The following PCBP2 variants were observed in gnomAD, a reference collection of about 807,000 sequenced individuals.
The protein encoded by PCBP2 is poly(rC)-binding protein 2.
Under a neutral mutation model 50.1 loss-of-function variants are expected in PCBP2, and 4 were observed. The observed-to-expected ratio is 0.08, with a 90% CI of 0.04 to 0.18. PCBP2 has a LOEUF of 0.18. Ranked by LOEUF, PCBP2 falls within the 10% of genes least tolerant of loss-of-function variation. The pLI is 1.00. For missense variants in PCBP2, 161 were observed against 474.3 expected (o/e 0.34, Z 6.14); for synonymous variants, 179 against 168.0 (o/e 1.07, Z -0.51).
chr12:53,475,975 A>T (rs1363027606), intron 14 of PCBP2: 1 of 152,244 alleles, frequency 6.6e-6, no homozygotes, highest in Non-Finnish European at 1.5e-5. Flanking sequence ...CAAGTCATAC[A>T]TTCAAAGAAC....
At chr12:53,463,460 G>GT in intron 8 of PCBP2, among the ~76,000 whole-genome samples, 1 of 152,272 alleles carries the variant, frequency 6.6e-6, no homozygotes, top group Non-Finnish European at 1.5e-5. Flanking sequence ...TACTGAACAT[G>GT]TACAGGCTTT....
chr12:53,465,059 ATTTTT>A (rs952108319), intron 9 of PCBP2: 4 of 385,704 alleles, frequency 1.0e-5, no homozygotes, highest in Non-Finnish European at 1.7e-5. Context: ...TTTTTTTTTA[ATTTTT>A]TTTTTGTTCA....
In PCBP2 at chr12:53,479,597, A is replaced by G. The variant is rs1942915327; in HGVS notation, c.*155A>G. ...ATCATCCACTCGTGATTTTTTAATT[A>G]AAGCGTTTTAATTCCTTTCTCTGTT... On this transcript the variant is annotated 3_prime_UTR_variant, in exon 15 of 15. Coordinates refer to ENST00000546463, the MANE Select transcript of PCBP2 (RefSeq NM_031989.5). 2 of 514,526 alleles carry G rather than the reference A, an allele frequency of 3.9e-6. No homozygotes were observed. The highest frequency in any genetic ancestry group is 3.5e-5 in the East Asian group (1 of 28,900). The allele number at this position is 514,526 out of a possible 1,614,324, so 31.9% of individuals were successfully genotyped here.
rs1031079278 is a variant in PCBP2 at position 53,466,522 on chromosome 12, A to T, written c.714+549A>T. On this transcript the variant is annotated intron_variant, in intron 10 of 14. Transcript: ENST00000546463. ...CCTATTTAAAAGTGCCGGTATTTAG[A>T]CTTCAAGGGCATTTTTTTCTGCACT... Among the ~76,000 whole-genome samples the T allele has an allele frequency of 1.1e-4, 17 of 152,162 alleles. 1 individual carries two copies. Among genetic ancestry groups the T allele is most frequent in the Admixed American group, 9.2e-4 (14 of 15,270 alleles).
At position 53,479,572 on chromosome 12, in the gene PCBP2, A is replaced by G. The variant is rs1942912826; in HGVS notation, c.*130A>G. 4 of 667,828 alleles carry G rather than the reference A, an allele frequency of 6.0e-6. No individual in the cohort carries two copies. Among genetic ancestry groups the G allele is most frequent in the South Asian group, 3.9e-5 (2 of 50,680 alleles). 41.4% of individuals were successfully genotyped at this position (667,828 alleles called of 1,614,324 possible). ...TAAATTTTCAGTTTCTACACACTTT[A>G]TCATCCACTCGTGATTTTTTAATTA... On this transcript the variant is annotated 3_prime_UTR_variant, in exon 15 of 15. Transcript: ENST00000546463.
chr12:53,465,749 G>A, intron 9 of PCBP2, among the ~76,000 whole-genome samples, 183 bp from the exon 10 acceptor site: 1 of 152,150 alleles, frequency 6.6e-6, no homozygotes, highest in East Asian at 1.9e-4. Flanking sequence ...CATATTTAGG[G>A]TTCAAAGAAG....
intron 6 of PCBP2, chr12:53,460,022 G>A (rs1941338133): frequency 3.3e-6 from 1 of 305,936 alleles, no homozygotes; most frequent in Admixed American, 3.5e-5. Context: ...GGCTCCCAGT[G>A]TTATTACTAC....
intron 14 of PCBP2, among the ~76,000 whole-genome samples, 191 bp downstream of exon 14, chr12:53,471,998 G>GCCAA (rs1235401334): frequency 2.6e-5 from 3 of 116,492 alleles, no homozygotes; most frequent in Admixed American, 9.0e-5. Flanking sequence ...GTTTTCAAGG[G>GCCAA]GTTGGTGGGG....
intron 13 of PCBP2, among the ~76,000 whole-genome samples, chr12:53,470,358 C>T (rs1325085980): frequency 8.7e-6 from 1 of 115,162 alleles, no homozygotes. Context: ...GCCTGGGCAA[C>T]AGACCAAGAC....
chr12:53,476,059 C>T (rs928005414), intron 14 of PCBP2: 1 of 152,210 alleles, frequency 6.6e-6, no homozygotes, highest in Non-Finnish European at 1.5e-5. Flanking sequence ...CTTCTGTCTG[C>T]ATTCCTCTGA....
intron 14 of PCBP2, among the ~76,000 whole-genome samples, chr12:53,473,637 C>T (rs942376104): frequency 1.2e-4 from 19 of 152,126 alleles, no homozygotes; most frequent in Non-Finnish European, 2.5e-4. Flanking sequence ...AATAGCAATT[C>T]GGTATCTTAG....
At chr12:53,477,694 A>AT (rs1942717081) in intron 14 of PCBP2, among the ~76,000 whole-genome samples, 2 of 138,022 alleles carry the variant, frequency 1.4e-5, no homozygotes, top group African/African-American at 5.2e-5. Context: ...AAAAAAAAAA[A>AT]CCCTAAATAT....
At chr12:53,472,986 T>C (rs904943869) in intron 14 of PCBP2, among the ~76,000 whole-genome samples, 2 of 152,194 alleles carry the variant, frequency 1.3e-5, no homozygotes, top group African/African-American at 4.8e-5. Context: ...GTCTTTTTCT[T>C]TTTTAGAGAT....
chr12:53,476,083 C>T (rs1383919427), intron 14 of PCBP2: 1 of 152,176 alleles, frequency 6.6e-6, no homozygotes, highest in African/African-American at 2.4e-5. Flanking sequence ...AGCATTATGC[C>T]TCTTTCTGTG....
At chr12:53,467,865 ATC>A (rs746915639) in intron 12 of PCBP2, 22 bp downstream of exon 12, 8 of 1,498,082 alleles carry the variant, frequency 5.3e-6, no homozygotes, top group East Asian at 2.3e-5. Context: ...AAAAAAAAAA[ATC>A]TGTAGTATTC....
intron 1 of PCBP2, among the ~76,000 whole-genome samples, 176 bp downstream of exon 1, chr12:53,452,552 G>C (rs1592625012): frequency 6.6e-6 from 1 of 151,300 alleles, no homozygotes; most frequent in African/African-American, 2.4e-5. Flanking sequence ...CTCTGGCGCG[G>C]CCTAGTAGGC....
intron 6 of PCBP2, chr12:53,459,979 G>A (rs192105739): frequency 1.0e-5 from 4 of 387,152 alleles, no homozygotes; most frequent in African/African-American, 4.1e-5. Context: ...GGCTGGTTTC[G>A]AACTCCTGAG....
intron 14 of PCBP2, chr12:53,475,216 G>A (rs1343650261): frequency 2.2e-6 from 1 of 454,760 alleles, no homozygotes; most frequent in Non-Finnish European, 4.4e-6. Context: ...TCTCCCTACT[G>A]ATTGCATACC....
chr12:53,470,075 C>G (rs1942103963), intron 13 of PCBP2, among the ~76,000 whole-genome samples: 1 of 151,800 alleles, frequency 6.6e-6, no homozygotes, highest in Non-Finnish European at 1.5e-5. Context: ...AAGCTAAAGC[C>G]TTATCTTTAG....
Sources: gnomAD v4.1 joint callset for allele counts (sites outside exome capture counted in the v4.1 genomes callset) on GRCh38, gnomAD v4.1.1 for gene constraint, MANE v1.5 for transcripts, NCBI Gene and HGNC (gene_info 2026-07-23, HGNC 2026-07-21) for gene names.